The following DLGAP2 variants were observed in gnomAD, a reference collection of about 807,000 sequenced individuals.
DLGAP2 encodes the protein disks large-associated protein 2.
Under a neutral mutation model 100.3 loss-of-function variants are expected in DLGAP2, and 26 were observed. That is an observed-to-expected ratio of 0.26 (90% CI 0.19 to 0.36). DLGAP2 has a LOEUF of 0.36. Among genes scored for constraint, DLGAP2 ranks in the 10% least tolerant of loss-of-function variants. The pLI is 1.00. For synonymous variants in DLGAP2, 886 were observed against 630.1 expected, an observed-to-expected ratio of 1.41 and a Z score of -6.08; for missense variants, 1,858 against 1,453.2, an observed-to-expected ratio of 1.28 and a Z score of -4.53.
At chr8:1,481,321 G>A (rs1200906389) in intron 3 of DLGAP2, among the ~76,000 whole-genome samples, 2 of 152,150 alleles carry the variant, frequency 1.3e-5, no homozygotes, top group Non-Finnish European at 2.9e-5. Flanking sequence ...GATAACTGAT[G>A]AGCGTGACCG....
At position 737,779 on chromosome 8, in the gene DLGAP2, C is replaced by A; in HGVS notation, c.-29C>A. On this transcript the variant is annotated 5_prime_UTR_variant, in exon 1 of 15. Transcript: ENST00000637795. ...GAGGGGCCGCTTCGCCATGTCGCCC[C>A]GCACCTGCTGAGCCCGGAGCGTCCG... 2 of 378,280 alleles carry A rather than the reference C, an allele frequency of 5.3e-6. No homozygotes were observed. The highest frequency in any genetic ancestry group is 9.4e-6 in the Non-Finnish European group (2 of 212,750). The allele number at this position is 378,280 out of a possible 1,614,324, so 23.4% of individuals were successfully genotyped here.
intron 2 of DLGAP2, among the ~76,000 whole-genome samples, chr8:1,195,398 T>C (rs538181187): frequency 6.6e-6 from 1 of 152,268 alleles, no homozygotes; most frequent in East Asian, 1.9e-4. Flanking sequence ...GATATATGTG[T>C]TATTAATGAA....
chr8:1,275,279 G>A (rs1437930902), intron 3 of DLGAP2, among the ~76,000 whole-genome samples: 3 of 151,940 alleles, frequency 2.0e-5, no homozygotes, highest in African/African-American at 7.3e-5. Context: ...TGGGGGCTCA[G>A]TGAGGCATCG....
chr8:1,409,435 C>G (rs1414530449), intron 3 of DLGAP2, among the ~76,000 whole-genome samples: 2 of 152,232 alleles, frequency 1.3e-5, no homozygotes, highest in East Asian at 3.8e-4. Context: ...AGCTGAGAAC[C>G]AACCGGAAGA....
At chr8:1,546,094 A>G (rs756742834) in intron 4 of DLGAP2, among the ~76,000 whole-genome samples, 8 of 152,266 alleles carry the variant, frequency 5.3e-5, no homozygotes, top group Non-Finnish European at 1.2e-4. Flanking sequence ...TATTAAAATA[A>G]TATCTAAATA....
At chr8:1,293,423 CG>C (rs1432124865) in intron 3 of DLGAP2, among the ~76,000 whole-genome samples, 1 of 152,174 alleles carries the variant, frequency 6.6e-6, no homozygotes, top group Non-Finnish European at 1.5e-5. Context: ...GCTGGGCTCC[CG>C]GACAGCTGAG....
intron 3 of DLGAP2, among the ~76,000 whole-genome samples, chr8:1,335,660 G>C (rs902318107): frequency 2.0e-5 from 3 of 152,170 alleles, no homozygotes; most frequent in Admixed American, 6.5e-5. Context: ...TTGATGGATG[G>C]AGGAAAAGTC....
chr8:808,815 G>A (rs1434935613), intron 1 of DLGAP2, among the ~76,000 whole-genome samples: 11 of 151,894 alleles, frequency 7.2e-5, no homozygotes. Context: ...AGAAATACTT[G>A]TGAAATACTT....
At chr8:1,424,501 G>C (rs191558341) in intron 3 of DLGAP2, among the ~76,000 whole-genome samples, 45 of 152,328 alleles carry the variant, frequency 3.0e-4, no homozygotes, top group African/African-American at 1.1e-3. Context: ...AGAAAGGAAG[G>C]AAATTCTACA....
intron 2 of DLGAP2, among the ~76,000 whole-genome samples, chr8:971,227 A>G (rs1156895769): frequency 2.6e-5 from 4 of 152,230 alleles, no homozygotes; most frequent in Admixed American, 2.0e-4. Context: ...CAGAATTCAT[A>G]AAGAACTCTT....
intron 1 of DLGAP2, among the ~76,000 whole-genome samples, chr8:897,797 T>G: frequency 6.6e-6 from 1 of 152,188 alleles, no homozygotes; most frequent in South Asian, 2.1e-4. Flanking sequence ...ATGACACTGA[T>G]GAGGAAAACA....
chr8:1,678,322 C>T lies in DLGAP2; in HGVS notation c.2397C>T (p.Phe799=), dbSNP rs751347905. 1.0e-4 allele frequency: 163 copies of T among 1,613,912 alleles called. No homozygotes were observed. Among genetic ancestry groups the T allele is most frequent in the Non-Finnish European group, 1.3e-4 (157 of 1,179,894 alleles). The change falls in exon 12 of 15, where the codon TTC becomes TTT. Residue 799 remains phenylalanine (F), a synonymous_variant. Coordinates refer to ENST00000637795, the MANE Select transcript of DLGAP2 (RefSeq NM_001346810.2). ...HITTEDKGLQ[F]GSSFQRHSEP... is the part of the protein sequence containing the mutation. The stretch of plus-strand genomic sequence containing the variant: ...CCACGGAGGACAAAGGCCTTCAGTT[C>T]GGCTCATCCTTCCAGCGGCACTCCG...
chr8:1,519,475 T>C (rs1253558335), intron 4 of DLGAP2, among the ~76,000 whole-genome samples: 1 of 152,244 alleles, frequency 6.6e-6, no homozygotes, highest in African/African-American at 2.4e-5. Flanking sequence ...ATGAAACTGA[T>C]AAAGCTCTCT....
At chr8:745,299 A>C (rs1425194725) in intron 1 of DLGAP2, among the ~76,000 whole-genome samples, 3 of 152,258 alleles carry the variant, frequency 2.0e-5, no homozygotes, top group African/African-American at 7.2e-5. Flanking sequence ...TTGCATAAAC[A>C]ATTGAGAATT....
Position 1,316,713 on chromosome 8 carries a change from A to G in DLGAP2, c.106+57830A>G, listed in dbSNP as rs1330409925. Among the ~76,000 whole-genome samples the G allele has an allele frequency of 5.0e-5, 7 of 139,688 alleles. 1 individual carries two copies. Among genetic ancestry groups the G allele is most frequent in the Non-Finnish European group, 1.1e-4 (7 of 65,930 alleles). 91.6% of individuals were successfully genotyped at this position (139,688 alleles called of 152,430 possible). A position where few individuals can be genotyped will look rare whatever the true frequency, so the allele number is the denominator to read the frequency against. On this transcript the variant is annotated intron_variant, in intron 3 of 14. Coordinates refer to ENST00000637795, the MANE Select transcript of DLGAP2 (RefSeq NM_001346810.2). ...CGTGCGTGAGTGCAGTGTCTATCCC[A>G]TAGTGGTCTACACTCGAGAAACTCG...
At chr8:1,267,603 T>TAAAATAA (rs1250229921) in intron 3 of DLGAP2, among the ~76,000 whole-genome samples, 3 of 68,448 alleles carry the variant, frequency 4.4e-5, no homozygotes, top group African/African-American at 2.7e-4. Flanking sequence ...TAAGATAAGA[T>TAAAATAA]AAGATAAGAT....
intron 2 of DLGAP2, among the ~76,000 whole-genome samples, chr8:1,190,105 A>G (rs1797600528): frequency 6.6e-6 from 1 of 152,164 alleles, no homozygotes; most frequent in Non-Finnish European, 1.5e-5. Context: ...CTGGACTCTT[A>G]CTGCTAATAA....
chr8:1,132,555 A>G (rs1796316015), intron 2 of DLGAP2, among the ~76,000 whole-genome samples: 3 of 152,224 alleles, frequency 2.0e-5, no homozygotes, highest in Admixed American at 1.3e-4. Context: ...ATATGTGTAC[A>G]CCTTGATATA....
At position 1,668,692 on chromosome 8, in the gene DLGAP2, G is replaced by C. The variant is rs748228404; in HGVS notation, c.2160+14G>C. ...ATCGGGATTCAGGTAGCTGCTCTTG[G>C]CCGCCCGTCAGGGCCTCGCTCCACT... On this transcript the variant is annotated intron_variant, in intron 9 of 14. Transcript: ENST00000637795. 6.6e-7 allele frequency: 1 copy of C among 1,511,046 alleles called. No individual in the cohort carries two copies. The highest frequency in any genetic ancestry group is 1.4e-5 in the African/African-American group (1 of 72,032). 93.6% of individuals were successfully genotyped at this position (1,511,046 alleles called of 1,614,324 possible). A position where few individuals can be genotyped will look rare whatever the true frequency, so the allele number is the denominator to read the frequency against.
Sources: gnomAD v4.1 joint callset for allele counts (sites outside exome capture counted in the v4.1 genomes callset) on GRCh38, gnomAD v4.1.1 for gene constraint, MANE v1.5 for transcripts, NCBI Gene and HGNC (gene_info 2026-07-23, HGNC 2026-07-21) for gene names.